The following RALGPS1 variants were observed in gnomAD, a reference collection of about 807,000 sequenced individuals.
The protein encoded by RALGPS1 is ras-specific guanine nucleotide-releasing factor RalGPS1.
Under a neutral mutation model 78.8 loss-of-function variants are expected in RALGPS1, and 19 were observed. That is an observed-to-expected ratio of 0.24 (90% CI 0.17 to 0.35). The LOEUF (loss-of-function observed/expected upper bound fraction) is 0.35, where lower values mean the gene tolerates loss of function less well. RALGPS1 is among the 10% of genes least tolerant of loss of function. The probability of loss-of-function intolerance (pLI) is 1.00; values close to 1 mark genes in which losing one functional copy is unlikely to be tolerated. For missense variants in RALGPS1, 454 were observed against 688.3 expected, an observed-to-expected ratio of 0.66 and a Z score of 3.81; for synonymous variants, 228 against 256.3, an observed-to-expected ratio of 0.89 and a Z score of 1.06.
chr9:127,067,809 A>C lies in RALGPS1; in HGVS notation c.484-1421A>C, dbSNP rs558507934. On this transcript the variant is annotated intron_variant, in intron 7 of 18. Transcript: ENST00000259351. Reference sequence around the variant, plus strand: ...GGCAGCTAGACTCACAGGTGCTGCCAGCATCAGCCTCATGCTTTGCCTCAG... The same window carrying C: ...GGCAGCTAGACTCACAGGTGCTGCCCGCATCAGCCTCATGCTTTGCCTCAG... Among the ~76,000 whole-genome samples the C allele has an allele frequency of 2.6e-5, 4 of 152,364 alleles. No individual in the cohort carries two copies. The East Asian group carries it at 5.8e-4, about 22-fold the overall frequency.
At chr9:127,094,381 G>A (rs2052863596) in intron 8 of RALGPS1, among the ~76,000 whole-genome samples, 1 of 150,496 alleles carries the variant, frequency 6.6e-6, no homozygotes, top group African/African-American at 2.5e-5. Context: ...GGCTCTGATG[G>A]CTTTGCTTCT....
chr9:127,081,232 T>TG (rs1466818857), intron 8 of RALGPS1, among the ~76,000 whole-genome samples: 1 of 152,134 alleles, frequency 6.6e-6, no homozygotes, highest in Non-Finnish European at 1.5e-5. Context: ...AAATGGCATT[T>TG]TTTTTTAAAT....
chr9:127,000,534 C>CTTTTTTTTTTTTTTTTTTTTTTTT (rs1163116649), intron 4 of RALGPS1, among the ~76,000 whole-genome samples: 6 of 33,338 alleles, frequency 1.8e-4, no homozygotes, highest in African/African-American at 3.7e-4. Flanking sequence ...CTTGTCTTGT[C>CTTTTTTTTTTTTTTTTTTTTTTTT]TTTTTTTTTT....
At chr9:127,114,764 G>T (rs1257738934) in intron 8 of RALGPS1, among the ~76,000 whole-genome samples, 1 of 152,260 alleles carries the variant, frequency 6.6e-6, no homozygotes, top group Non-Finnish European at 1.5e-5. Flanking sequence ...GGCAGTCAGG[G>T]AATCTGGAAC....
intron 4 of RALGPS1, among the ~76,000 whole-genome samples, chr9:127,015,196 C>T (rs1478680378): frequency 1.3e-5 from 2 of 152,166 alleles, no homozygotes; most frequent in African/African-American, 4.8e-5. Context: ...GCTGACAGCA[C>T]TGTGGTTAAG....
intron 14 of RALGPS1, chr9:127,210,908 G>A (rs368141208): frequency 4.2e-5 from 32 of 758,414 alleles, no homozygotes; most frequent in East Asian, 1.4e-4. Flanking sequence ...TCTACTGCCA[G>A]GTGCACTGGC....
At chr9:127,208,176 G>T (rs1047263995) in intron 14 of RALGPS1, among the ~76,000 whole-genome samples, 7 of 152,250 alleles carry the variant, frequency 4.6e-5, no homozygotes, top group Non-Finnish European at 8.8e-5. Flanking sequence ...CTCCACTGGG[G>T]CCACCAAGGG....
At chr9:127,027,614 C>T (rs1186635461) in intron 4 of RALGPS1, among the ~76,000 whole-genome samples, 4 of 152,198 alleles carry the variant, frequency 2.6e-5, no homozygotes, top group Admixed American at 2.6e-4. Context: ...GCGACCCCCA[C>T]CCACCAGTGG....
At chr9:127,029,481 G>T (rs2046237265) in intron 4 of RALGPS1, among the ~76,000 whole-genome samples, 1 of 152,178 alleles carries the variant, frequency 6.6e-6, no homozygotes, top group South Asian at 2.1e-4. Flanking sequence ...AAGAGTGGGA[G>T]AAACATGGAG....
At chr9:127,184,158 TC>T (rs1564743166) in intron 11 of RALGPS1, 1 of 1,046,526 alleles carries the variant, frequency 9.6e-7, no homozygotes, top group South Asian at 1.4e-5. Context: ...AAACCCCATC[TC>T]TACAAAAGTA....
At chr9:126,952,813 C>T (rs1393524548) in intron 1 of RALGPS1, among the ~76,000 whole-genome samples, 3 of 152,026 alleles carry the variant, frequency 2.0e-5, no homozygotes, top group Admixed American at 6.6e-5. Flanking sequence ...TGTTACCTTC[C>T]TATTTGTCTT....
At chr9:126,919,181 T>C (rs975127867) in intron 1 of RALGPS1, among the ~76,000 whole-genome samples, 1 of 152,250 alleles carries the variant, frequency 6.6e-6, no homozygotes, top group South Asian at 2.1e-4. Flanking sequence ...GACATTGTTC[T>C]AGCATTGGAA....
At chr9:126,987,508 A>G (rs1444285323) in intron 4 of RALGPS1, among the ~76,000 whole-genome samples, 1 of 152,196 alleles carries the variant, frequency 6.6e-6, no homozygotes. Context: ...CCAGAGCATC[A>G]TTGCCAGGGA....
intron 8 of RALGPS1, among the ~76,000 whole-genome samples, chr9:127,072,855 C>T (rs1284289156): frequency 1.3e-5 from 2 of 152,094 alleles, no homozygotes; most frequent in African/African-American, 4.8e-5. Flanking sequence ...ATCTTGGTTC[C>T]ATTTGTTACT....
At chr9:126,931,843 A>C (rs2035816269) in intron 1 of RALGPS1, among the ~76,000 whole-genome samples, 1 of 152,260 alleles carries the variant, frequency 6.6e-6, no homozygotes, top group Non-Finnish European at 1.5e-5. Context: ...AATAAGAAAG[A>C]TAGACAAAAA....
At chr9:126,915,235 G>C (rs1165942556) in intron 1 of RALGPS1, among the ~76,000 whole-genome samples, 3 of 143,582 alleles carry the variant, frequency 2.1e-5, no homozygotes, top group Non-Finnish European at 3.1e-5. Flanking sequence ...GCTGGTCCCC[G>C]GGAGCGTGAA....
intron 8 of RALGPS1, among the ~76,000 whole-genome samples, chr9:127,164,783 G>A (rs1021950210): frequency 7.9e-5 from 12 of 151,924 alleles, no homozygotes; most frequent in African/African-American, 2.4e-4. Flanking sequence ...CGAGCAATCC[G>A]CTCACCTCGG....
intron 11 of RALGPS1, among the ~76,000 whole-genome samples, chr9:127,181,536 G>T (rs1204003741): frequency 1.3e-5 from 2 of 152,250 alleles, no homozygotes. Flanking sequence ...ACATTGGCAT[G>T]TCCTTGACTT....
chr9:126,959,829 A>C (rs1302253557), intron 1 of RALGPS1, among the ~76,000 whole-genome samples: 1 of 152,216 alleles, frequency 6.6e-6, no homozygotes, highest in Non-Finnish European at 1.5e-5. Context: ...ACCTTTTCCT[A>C]CTTAACCACT....
Sources: gnomAD v4.1 joint callset for allele counts (sites outside exome capture counted in the v4.1 genomes callset) on GRCh38, gnomAD v4.1.1 for gene constraint, MANE v1.5 for transcripts, NCBI Gene and HGNC (gene_info 2026-07-23, HGNC 2026-07-21) for gene names.